SPACA1: variants seen among roughly 807,000 people sequenced by gnomAD.
SPACA1 encodes the protein sperm acrosome associated 1.
SPACA1 carries 17 observed loss-of-function variants against 32.6 expected under a neutral mutation model. The observed-to-expected ratio is 0.52, with a 90% CI of 0.36 to 0.78. The LOEUF (loss-of-function observed/expected upper bound fraction) is 0.78, where lower values mean the gene tolerates loss of function less well. Among genes scored for constraint, SPACA1 ranks in the 30% least tolerant of loss-of-function variants. SPACA1 has a pLI of 0.01. For synonymous variants in SPACA1, 140 were observed against 138.1 expected (o/e 1.01, Z -0.10); for missense variants, 363 against 373.4 (o/e 0.97, Z 0.23).
At chr6:88,056,195 A>G (rs985384994) in intron 2 of SPACA1, among the ~76,000 whole-genome samples, 6 of 151,746 alleles carry the variant, frequency 4.0e-5, no homozygotes, top group African/African-American at 1.5e-4. Flanking sequence ...CTCTACCAAA[A>G]ATACAAAAAT....
intron 2 of SPACA1, among the ~76,000 whole-genome samples, chr6:88,056,660 T>C (rs534094191): frequency 6.6e-6 from 1 of 152,286 alleles, no homozygotes; most frequent in Admixed American, 6.5e-5. Flanking sequence ...AGTCATCAAC[T>C]TCCCTTTGCC....
At chr6:88,056,429 C>T (rs985437146) in intron 2 of SPACA1, among the ~76,000 whole-genome samples, 2 of 152,182 alleles carry the variant, frequency 1.3e-5, no homozygotes, top group African/African-American at 4.8e-5. Context: ...AACCAAAGAC[C>T]TTCTTCCTTC....
chr6:88,065,995 T>G (rs1343787318), intron 6 of SPACA1, among the ~76,000 whole-genome samples, 187 bp from the exon 7 acceptor site: 2 of 151,886 alleles, frequency 1.3e-5, no homozygotes, highest in Admixed American at 1.3e-4. Flanking sequence ...CAGGTACAAA[T>G]ATGTATACAG....
At chr6:88,056,686 G>A (rs1029670680) in intron 2 of SPACA1, among the ~76,000 whole-genome samples, 1 of 152,116 alleles carries the variant, frequency 6.6e-6, no homozygotes, top group East Asian at 1.9e-4. Flanking sequence ...AGATAACATC[G>A]TAGAGGGGCT....
intron 3 of SPACA1, among the ~76,000 whole-genome samples, chr6:88,058,210 A>T (rs1349837479): frequency 6.6e-6 from 1 of 152,210 alleles, no homozygotes; most frequent in Non-Finnish European, 1.5e-5. Flanking sequence ...CTGCATAAGG[A>T]GCAGAGAGCC....
chr6:88,049,577 A>G lies in SPACA1; in HGVS notation c.208+1464A>G, dbSNP rs569130681. ...CTGTCCCCTTAACCCTCAGTGGATC[A>G]GTAGAAACAGTTATCCCCATTTACT... On this transcript the variant is annotated intron_variant, in intron 1 of 6. Transcript: ENST00000237201. Among the ~76,000 whole-genome samples, 5 of 152,352 alleles carry G rather than the reference A, an allele frequency of 3.3e-5. No homozygotes were observed. The South Asian group carries it at 6.2e-4, about 19-fold the overall frequency.
chr6:88,058,890 G>A, intron 4 of SPACA1, 68 bp downstream of exon 4: 1 of 1,019,668 alleles, frequency 9.8e-7, no homozygotes, highest in Non-Finnish European at 1.4e-6. Context: ...CAGTTCTGAT[G>A]GCTTTCAGAA....
At chr6:88,063,408 T>G (rs1272358417) in intron 5 of SPACA1, among the ~76,000 whole-genome samples, 1 of 152,192 alleles carries the variant, frequency 6.6e-6, no homozygotes, top group Non-Finnish European at 1.5e-5. Context: ...GGTGAATTTC[T>G]AAAACATTAT....
In SPACA1 at chr6:88,047,932, C is replaced by A. The variant is rs1191628427; in HGVS notation, c.27C>A (p.Ser9=). 4 of 1,563,214 alleles carry A rather than the reference C, an allele frequency of 2.6e-6. No individual in the cohort carries two copies. The highest frequency in any genetic ancestry group is 3.5e-6 in the Non-Finnish European group (4 of 1,154,796). The change falls in exon 1 of 7, where the codon TCC becomes TCA. Residue 9 remains serine, a synonymous_variant. Transcript: ENST00000237201. MSPRGTGC[S]AGLLMTVGWL... ...TGAGCCCCAGGGGCACGGGCTGCTC[C>A]GCCGGGCTGCTGATGACTGTCGGCT...
Position 88,059,576 on chromosome 6 carries a change from T to C in SPACA1, c.598T>C (p.Tyr200His), listed in dbSNP as rs61739900. ...AGTAGCAACTATTAAATTCACAGTC[T>C]ATACGAGCAGTGGTAAGTGTCCAGC... The part of the protein sequence containing the change: ...EIVATIKFTV[Y>H]TSSELQMRRS... The change falls in exon 5 of 7, where the codon TAT (tyrosine) becomes CAT (histidine). Residue 200 changes from tyrosine to histidine, a missense_variant. Coordinates refer to ENST00000237201, the MANE Select transcript of SPACA1 (RefSeq NM_030960.3). 1 of 1,612,288 alleles carries C rather than the reference T, an allele frequency of 6.2e-7. No individual in the cohort carries two copies. Among genetic ancestry groups the C allele is most frequent in the African/African-American group, 1.3e-5 (1 of 74,956 alleles).
intron 5 of SPACA1, among the ~76,000 whole-genome samples, chr6:88,062,297 C>T (rs1775908975): frequency 6.6e-6 from 1 of 152,148 alleles, no homozygotes; most frequent in African/African-American, 2.4e-5. Context: ...ATATAGAAGA[C>T]TAGTTCTGAC....
intron 1 of SPACA1, among the ~76,000 whole-genome samples, chr6:88,051,653 G>A (rs1368501260): frequency 6.6e-6 from 1 of 152,132 alleles, no homozygotes; most frequent in Non-Finnish European, 1.5e-5. Flanking sequence ...CTCTCCATTC[G>A]TTTTTAACTG....
chr6:88,048,153 C>T, intron 1 of SPACA1, 40 bp downstream of exon 1: 1 of 1,540,772 alleles, frequency 6.5e-7, no homozygotes, highest in Non-Finnish European at 8.8e-7. Flanking sequence ...GCGGAGGCCC[C>T]TGTTGACGGA....
At chr6:88,049,111 CATT>C (rs1775690898) in intron 1 of SPACA1, among the ~76,000 whole-genome samples, 1 of 152,118 alleles carries the variant, frequency 6.6e-6, no homozygotes, top group Non-Finnish European at 1.5e-5. Context: ...GGCCTTGTAA[CATT>C]ATACTACAGA....
At chr6:88,058,632 C>A in intron 3 of SPACA1, 84 bp from the exon 4 acceptor site, 1 of 908,972 alleles carries the variant, frequency 1.1e-6, no homozygotes, top group Middle Eastern at 3.4e-4. Context: ...GAACCAGATC[C>A]TGTCTCAGGA....
At chr6:88,064,076 T>G (rs1445814262) in intron 5 of SPACA1, 23 bp from the exon 6 acceptor site, 1 of 1,610,230 alleles carries the variant, frequency 6.2e-7, no homozygotes, top group Admixed American at 1.7e-5. Context: ...GTAATACTCC[T>G]TAGGTTTGTG....
At chr6:88,051,657 T>G (rs1775730090) in intron 1 of SPACA1, among the ~76,000 whole-genome samples, 1 of 152,262 alleles carries the variant, frequency 6.6e-6, no homozygotes, top group Non-Finnish European at 1.5e-5. Context: ...CCATTCGTTT[T>G]TAACTGTCCT....
rs1421517051 is a variant in SPACA1 at position 88,066,334 on chromosome 6, G to A, written c.884G>A (p.Ter295=). 1.2e-6 allele frequency: 2 copies of A among 1,608,622 alleles called. No individual in the cohort carries two copies. Among genetic ancestry groups the A allele is most frequent in the Admixed American group, 1.7e-5 (1 of 59,036 alleles). Residue 295 remains the stop codon, a stop_retained_variant, in exon 7 of 7, where the codon TGA becomes TAA. Coordinates refer to ENST00000237201, the MANE Select transcript of SPACA1 (RefSeq NM_030960.3). ...GATGCTTTAAGTGAATGGAATGAAT[G>A]ATGTTTGAATGATATATAACAAACC... is the stretch of plus-strand genomic sequence containing the variant. ...EDDALSEWNE[*]
intron 1 of SPACA1, among the ~76,000 whole-genome samples, chr6:88,048,853 C>A (rs1775686744): frequency 6.6e-6 from 1 of 152,186 alleles, no homozygotes. Context: ...TGATTAGTAA[C>A]TCACATTCTA....
Sources: gnomAD v4.1 joint callset for allele counts (sites outside exome capture counted in the v4.1 genomes callset) on GRCh38, gnomAD v4.1.1 for gene constraint, MANE v1.5 for transcripts, NCBI Gene and HGNC (gene_info 2026-07-23, HGNC 2026-07-21) for gene names.